MBP: variants seen among roughly 807,000 people sequenced by gnomAD.
The protein encoded by MBP is Golli-MBP.
In MBP, 16 loss-of-function variants were observed where a neutral mutation model predicts 35.8. That is an observed-to-expected ratio of 0.45 (90% CI 0.30 to 0.68). The LOEUF is 0.68. MBP is among the 30% of genes least tolerant of loss of function. The pLI, the probability that MBP is intolerant of heterozygous loss-of-function variation, is 0.08. For synonymous variants in MBP, 143 were observed against 159.6 expected, an observed-to-expected ratio of 0.90 and a Z score of 0.78; for missense variants, 380 against 404.7, an observed-to-expected ratio of 0.94 and a Z score of 0.52.
rs773041987 is a variant in MBP at position 77,009,895 on chromosome 18, A to G, written c.576+6937T>C. On this transcript the variant is annotated intron_variant, in intron 4 of 8. Transcript: ENST00000355994. ...AGGCTGGCTGCGGGCATGAGAGGGC[A>G]GAGGGCTCCGGCCCGGCTTTAGCCA... The G allele has an allele frequency of 2.9e-5, 46 of 1,596,416 alleles. 3 individuals carry two copies. In the South Asian group the frequency reaches 5.1e-4, roughly 18 times the overall value.
chr18:76,984,305 T>G (rs1458855290), intron 8 of MBP: 1 of 161,834 alleles, frequency 6.2e-6, no homozygotes, highest in Non-Finnish European at 1.4e-5. Context: ...GGCCTGGCAT[T>G]CGTCCTGGGT....
intron 7 of MBP, chr18:76,987,544 G>A: frequency 1.0e-6 from 1 of 985,188 alleles, no homozygotes; most frequent in Non-Finnish European, 1.2e-6. Flanking sequence ...TTCTTTCCCT[G>A]TTCTTTCTTC....
intron 3 of MBP, among the ~76,000 whole-genome samples, chr18:77,018,944 TCATC>T (rs1295049267): frequency 9.2e-6 from 1 of 109,206 alleles, no homozygotes; most frequent in East Asian, 3.2e-4. Context: ...ACCTACCTGT[TCATC>T]CATCCATCTA....
intron 3 of MBP, among the ~76,000 whole-genome samples, chr18:77,055,693 T>A (rs998736217): frequency 6.6e-6 from 1 of 152,132 alleles, no homozygotes; most frequent in African/African-American, 2.4e-5. Context: ...TTGCTTTAAA[T>A]AAGGTGGTGT....
At chr18:77,041,963 C>T (rs763149620) in intron 3 of MBP, among the ~76,000 whole-genome samples, 1 of 151,660 alleles carries the variant, frequency 6.6e-6, no homozygotes, top group African/African-American at 2.4e-5. Context: ...AAAAGACCTG[C>T]AGGAACCCCC....
intron 1 of MBP, chr18:77,108,164 T>C (rs1976338222): frequency 6.6e-6 from 1 of 152,154 alleles, no homozygotes; most frequent in Admixed American, 6.5e-5. Flanking sequence ...AGAGAAGAGC[T>C]CGAGAAGGAT....
intron 3 of MBP, among the ~76,000 whole-genome samples, chr18:77,030,275 G>A (rs1479506722): frequency 6.6e-6 from 1 of 152,136 alleles, no homozygotes; most frequent in African/African-American, 2.4e-5. Flanking sequence ...TACAGTATCC[G>A]AGGCAGAAAG....
At position 76,990,076 on chromosome 18, in the gene MBP, G is replaced by C. The variant is rs532512862; in HGVS notation, c.577-16C>G. Reference sequence around the variant, plus strand: ...GGTGTGAGTCCTGAAACACAGAGGCGCGGTGACCTCAGGACAAGTCCACAG... The same window carrying C: ...GGTGTGAGTCCTGAAACACAGAGGCCCGGTGACCTCAGGACAAGTCCACAG... On this transcript the variant is annotated splice_polypyrimidine_tract_variant and intron_variant, in intron 4 of 8. Transcript: ENST00000355994. 6 of 1,579,044 alleles carry C rather than the reference G, an allele frequency of 3.8e-6. No homozygotes were observed. In the South Asian group the frequency reaches 6.7e-5, roughly 18 times the overall value.
In MBP at chr18:77,028,985, C is replaced by T. The variant is rs542884447; in HGVS notation, c.140-11717G>A. ...CAGACAATGGGCGGCCAGGCAGAGA[C>T]GCTCCTCACTTCCCAGACGGGGTGG... is the stretch of plus-strand genomic sequence containing the variant. On this transcript the variant is annotated intron_variant, in intron 3 of 8. Transcript: ENST00000355994. Among the ~76,000 whole-genome samples, 155 of 110,730 alleles carry T rather than the reference C, an allele frequency of 1.4e-3. 39 individuals are homozygous for T. Among genetic ancestry groups the T allele is most frequent in the East Asian group, 5.5e-3 (20 of 3,650 alleles). The allele number at this position is 110,730 out of a possible 152,430, so 72.6% of individuals were successfully genotyped here.
At chr18:77,074,825 CTCTG>C (rs1390026980) in intron 2 of MBP, among the ~76,000 whole-genome samples, 1 of 152,170 alleles carries the variant, frequency 6.6e-6, no homozygotes, top group Non-Finnish European at 1.5e-5. Flanking sequence ...CCTAGGTGGT[CTCTG>C]TCTAATATGC....
chr18:77,001,117 C>CCACCCGGTCCCCACT (rs1970607235), intron 4 of MBP, among the ~76,000 whole-genome samples: 1 of 152,094 alleles, frequency 6.6e-6, no homozygotes, highest in Non-Finnish European at 1.5e-5. Flanking sequence ...GGGTCCCTGC[C>CCACCCGGTCCCCACT]CACCCGGTCC....
chr18:77,001,676 C>T (rs1310325275), intron 4 of MBP, among the ~76,000 whole-genome samples: 2 of 152,138 alleles, frequency 1.3e-5, no homozygotes, highest in African/African-American at 4.8e-5. Flanking sequence ...CGTGGCAAAA[C>T]CCCCTCTCTA....
chr18:77,047,276 TG>T (rs1221314242), intron 3 of MBP, among the ~76,000 whole-genome samples: 1 of 152,252 alleles, frequency 6.6e-6, no homozygotes, highest in Non-Finnish European at 1.5e-5. Context: ...GACGGTGATG[TG>T]CACACACGAT....
intron 4 of MBP, among the ~76,000 whole-genome samples, chr18:77,002,291 G>A (rs1338412041): frequency 6.6e-6 from 1 of 152,254 alleles, no homozygotes. Context: ...GCACTCGGCT[G>A]TGGAGCCTTA....
Position 77,131,075 on chromosome 18 carries a change from G to A in MBP, c.-26+1505C>T, listed in dbSNP as rs1346710730. Reference sequence around the variant, plus strand: ...CAAAAAACAAAACACACACACGCGCGCACGCACGCGCACACACACACACAC... The same window carrying A: ...CAAAAAACAAAACACACACACGCGCACACGCACGCGCACACACACACACAC... On this transcript the variant is annotated intron_variant, in intron 1 of 8. Coordinates refer to ENST00000355994, the MANE Select transcript of MBP (RefSeq NM_001025101.2). This position sits in a 1 kb window ranked among gnomAD's most constrained non-coding sequence, Gnocchi z 5.5. Among the ~76,000 whole-genome samples the A allele has an allele frequency of 2.7e-3, 54 of 19,750 alleles. 1 individual carries two copies. The highest frequency in any genetic ancestry group is 0.019 in the South Asian group (7 of 374). The allele number at this position is 19,750 out of a possible 152,430, so 13.0% of individuals were successfully genotyped here.
At chr18:77,082,456 G>C (rs1261774346) in intron 2 of MBP, among the ~76,000 whole-genome samples, 2 of 152,210 alleles carry the variant, frequency 1.3e-5, no homozygotes, top group African/African-American at 4.8e-5. Flanking sequence ...AATAGGATGA[G>C]GTCGGGTGGG....
At chr18:76,999,750 C>T (rs1420897503) in intron 4 of MBP, among the ~76,000 whole-genome samples, 1 of 152,122 alleles carries the variant, frequency 6.6e-6, no homozygotes, top group Non-Finnish European at 1.5e-5. Context: ...TGAGCCACCA[C>T]ACATGGCCTG....
chr18:77,008,348 G>T (rs1971118129), intron 4 of MBP, among the ~76,000 whole-genome samples: 2 of 152,280 alleles, frequency 1.3e-5, no homozygotes, highest in Non-Finnish European at 2.9e-5. Flanking sequence ...CCCCAGAGAA[G>T]AGGCCTCCCA....
chr18:76,987,221 A>G (rs1317617766), intron 7 of MBP: 1 of 985,368 alleles, frequency 1.0e-6, no homozygotes, highest in Non-Finnish European at 1.2e-6. Context: ...CAGATAAAGC[A>G]GTAGCTAAAA....
Sources: allele counts gnomAD v4.1 joint callset (sites outside exome capture counted in the v4.1 genomes callset), GRCh38; gene constraint gnomAD v4.1.1; non-coding constraint Gnocchi (gnomAD v3.1); transcripts MANE v1.5; gene names NCBI Gene and HGNC (gene_info 2026-07-23, HGNC 2026-07-21).